The following SLC44A5 variants were observed in gnomAD, a reference collection of about 807,000 sequenced individuals.
The protein encoded by SLC44A5 is choline transporter-like protein 5.
A neutral mutation model predicts 101.8 loss-of-function variants in SLC44A5; 57 were observed. That is an observed-to-expected ratio of 0.56 (90% confidence interval 0.45 to 0.70). The LOEUF (loss-of-function observed/expected upper bound fraction) is 0.70. Ranked by LOEUF, SLC44A5 falls within the 30% of genes least tolerant of loss-of-function variation. The probability of loss-of-function intolerance (pLI) is 0.00; values close to 1 mark genes in which losing one functional copy is unlikely to be tolerated. For synonymous variants in SLC44A5, 281 were observed against 290.9 expected (o/e 0.97, Z 0.35); for missense variants, 737 against 853.1 (o/e 0.86, Z 1.70).
At chr1:75,320,982 C>T (rs1012101326) in intron 4 of SLC44A5, among the ~76,000 whole-genome samples, 7 of 150,956 alleles carry the variant, frequency 4.6e-5, no homozygotes, top group Admixed American at 3.3e-4. Flanking sequence ...TACAGTAAGG[C>T]AAAAAAAATT....
intron 23 of SLC44A5, among the ~76,000 whole-genome samples, chr1:75,211,071 A>G (rs1479372527): frequency 1.3e-5 from 2 of 152,184 alleles, no homozygotes; most frequent in African/African-American, 2.4e-5. Flanking sequence ...TTAACAATAC[A>G]GTATTATTAA....
At chr1:75,619,649 T>A in the SLC44A5 span, among the ~76,000 whole-genome samples, 3 of 152,126 alleles carry the variant, frequency 2.0e-5, no homozygotes, top group African/African-American at 7.2e-5. Flanking sequence ...ATGTGTCTGT[T>A]TTTAAATTTC....
chr1:75,410,256 A>G (rs953332462), intron 2 of SLC44A5, among the ~76,000 whole-genome samples: 1 of 152,138 alleles, frequency 6.6e-6, no homozygotes, highest in South Asian at 2.1e-4. Flanking sequence ...GACGGGTGGC[A>G]GGCAAAGGAG....
At chr1:75,254,236 G>A (rs368678943) in intron 6 of SLC44A5, among the ~76,000 whole-genome samples, 45 of 151,988 alleles carry the variant, frequency 3.0e-4, no homozygotes, top group African/African-American at 9.7e-4. Flanking sequence ...ACGTGGTTTC[G>A]GCATGTTGGC....
intron 2 of SLC44A5, among the ~76,000 whole-genome samples, chr1:75,458,013 C>T (rs2101683481): frequency 6.6e-6 from 1 of 152,230 alleles, no homozygotes; most frequent in East Asian, 1.9e-4. Flanking sequence ...AATAAGTTTA[C>T]AATCTTGTAA....
intron 1 of SLC44A5, among the ~76,000 whole-genome samples, chr1:75,557,619 C>T (rs562406606): frequency 2.0e-5 from 3 of 152,012 alleles, no homozygotes; most frequent in African/African-American, 7.2e-5. Context: ...AAACAGAAAA[C>T]AAAAATTATA....
chr1:75,353,015 T>C (rs1444096740), intron 3 of SLC44A5, among the ~76,000 whole-genome samples: 2 of 152,196 alleles, frequency 1.3e-5, no homozygotes, highest in Non-Finnish European at 2.9e-5. Context: ...AATAATATAA[T>C]TTGTCTATTT....
chr1:75,439,050 A>G (rs1361116131), intron 2 of SLC44A5, among the ~76,000 whole-genome samples: 1 of 152,126 alleles, frequency 6.6e-6, no homozygotes, highest in Non-Finnish European at 1.5e-5. Flanking sequence ...GTGCTTCAGC[A>G]CTGGAAGGTG....
intron 2 of SLC44A5, among the ~76,000 whole-genome samples, chr1:75,418,648 A>C (rs1663811896): frequency 6.6e-6 from 1 of 152,140 alleles, no homozygotes; most frequent in Admixed American, 6.6e-5. Context: ...AGAGTAGTAA[A>C]AGATGCACTT....
chr1:75,598,176 A>G (rs1341222621), intron 1 of SLC44A5, among the ~76,000 whole-genome samples: 2 of 152,138 alleles, frequency 1.3e-5, no homozygotes, highest in African/African-American at 4.8e-5. Flanking sequence ...CAACAATCAT[A>G]TGAGAAAAAG....
At chr1:75,455,340 A>G (rs1666128987) in intron 2 of SLC44A5, among the ~76,000 whole-genome samples, 1 of 152,038 alleles carries the variant, frequency 6.6e-6, no homozygotes, top group Non-Finnish European at 1.5e-5. Context: ...GGACTCCTAC[A>G]TATCACCATA....
chr1:75,650,679 G>T, the SLC44A5 span, among the ~76,000 whole-genome samples: 5 of 152,202 alleles, frequency 3.3e-5, no homozygotes, highest in Non-Finnish European at 7.3e-5. Flanking sequence ...CTGGAGTGCA[G>T]TGACACAATC....
At chr1:75,432,558 G>T (rs1027647542) in intron 2 of SLC44A5, among the ~76,000 whole-genome samples, 20 of 152,090 alleles carry the variant, frequency 1.3e-4, no homozygotes, top group Non-Finnish European at 2.9e-5. Flanking sequence ...ATGCCAATAG[G>T]AATCATTTCC....
the SLC44A5 span, chr1:75,720,334 T>C: frequency 1.3e-5 from 2 of 152,186 alleles, no homozygotes; most frequent in African/African-American, 2.4e-5. Flanking sequence ...CGTAGGTCTG[T>C]ATAGTCCTGC....
intron 1 of SLC44A5, among the ~76,000 whole-genome samples, chr1:75,577,116 T>C (rs1673415228): frequency 6.6e-6 from 1 of 152,086 alleles, no homozygotes; most frequent in Non-Finnish European, 1.5e-5. Context: ...TCAAAATATA[T>C]CCAGAATTCA....
At chr1:75,235,428 T>C (rs1026805489) in intron 11 of SLC44A5, among the ~76,000 whole-genome samples, 5 of 151,896 alleles carry the variant, frequency 3.3e-5, no homozygotes, top group Non-Finnish European at 7.4e-5. Context: ...TCTATCATAA[T>C]GTACACTTGT....
chr1:75,648,260 T>C, the SLC44A5 span, among the ~76,000 whole-genome samples: 1 of 152,144 alleles, frequency 6.6e-6, no homozygotes, highest in African/African-American at 2.4e-5. Context: ...TGTTTCCCCT[T>C]CCATGATGTT....
intron 5 of SLC44A5, among the ~76,000 whole-genome samples, chr1:75,280,442 A>ATATAATATATATATTGTATATTATATATT (rs1557614237): frequency 4.2e-5 from 1 of 23,844 alleles, no homozygotes; most frequent in African/African-American, 2.5e-4. Flanking sequence ...TATTATATAT[A>ATATAATATATATATTGTATATTATATATT]GTATATATTA....
rs1557885202 is a variant in SLC44A5, at chr1:75,537,030, A to AT, written c.13+4404_13+4405insA. ...CAAAAAAAAAAAAAAAAAAAAAAAA[A>AT]AAAATATATATCTATGCCAAATGAT... On this transcript the variant is annotated intron_variant, in intron 2 of 23. Coordinates refer to ENST00000370859, the MANE Select transcript of SLC44A5 (RefSeq NM_001130058.2). Among the ~76,000 whole-genome samples, 33 of 57,946 alleles carry AT rather than the reference A, an allele frequency of 5.7e-4. 2 individuals carry two copies. The South Asian group carries it at 0.01, about 18-fold the overall frequency. The allele number at this position is 57,946 out of a possible 152,430, so 38.0% of individuals were successfully genotyped here.
Sources: gnomAD v4.1 joint callset for allele counts (sites outside exome capture counted in the v4.1 genomes callset) on GRCh38, gnomAD v4.1.1 for gene constraint, MANE v1.5 for transcripts, NCBI Gene and HGNC (gene_info 2026-07-23, HGNC 2026-07-21) for gene names.